LAMB3: variants seen among roughly 807,000 people sequenced by gnomAD.
LAMB3 encodes laminin subunit beta-3.
LAMB3 carries 104 observed loss-of-function variants against 140.3 expected under a neutral mutation model. That is an observed-to-expected ratio of 0.74 (90% CI 0.63 to 0.87). The LOEUF (loss-of-function observed/expected upper bound fraction) is 0.87. Ranked by LOEUF, LAMB3 falls within the 40% of genes least tolerant of loss-of-function variation. LAMB3 has a pLI of 0.00. For synonymous variants in LAMB3, 592 were observed against 602.9 expected (o/e 0.98, Z 0.26); for missense variants, 1,531 against 1,575.2 (o/e 0.97, Z 0.47).
At chr1:209,648,147 GAA>G (rs1324260233) in intron 3 of LAMB3, among the ~76,000 whole-genome samples, 1 of 152,208 alleles carries the variant, frequency 6.6e-6, no homozygotes, top group Non-Finnish European at 1.5e-5. Context: ...AGTAGTGAGG[GAA>G]AGAGAAATGA....
At position 209,616,490 on chromosome 1, in the gene LAMB3, C is replaced by G. The variant is rs780324954; in HGVS notation, c.3363G>C (p.Glu1121Asp). 1 of 1,614,178 alleles carries G rather than the reference C, an allele frequency of 6.2e-7. No homozygotes were observed. ...CCTCACCTTTCATCCTGTCCATCAT[C>G]TCCATGGTCTCCCCAAACAGCTCCT... ...EAEELFGETMEMMDRMKDMEL... is the reference protein window; with the variant it reads ...EAEELFGETMDMMDRMKDMEL... The change falls in exon 22 of 23, where the codon GAG becomes GAC. Residue 1121 changes from glutamate to aspartate, a missense_variant. Physicochemically the swap from Glu to Asp is conservative, Grantham distance 45. Transcript: ENST00000356082.
Position 209,626,948 on chromosome 1 carries a change from A to T in LAMB3, c.1516T>A (p.Phe506Ile), listed in dbSNP as rs145548817. The T allele has an allele frequency of 1.3e-4, 203 of 1,613,524 alleles. No individual in the cohort carries two copies. Among genetic ancestry groups the T allele is most frequent in the Admixed American group, 2.5e-4 (15 of 59,984 alleles). Residue 506 changes from phenylalanine to isoleucine, a missense_variant, in exon 13 of 23, where the codon TTT (phenylalanine) becomes ATT (isoleucine). Coordinates refer to ENST00000356082, the MANE Select transcript of LAMB3 (RefSeq NM_000228.3). ...FTGQCPCREG[F>I]GGLMCSAAAI... ...GCAGCGCTGCACATCAGGCCACCAA[A>T]GCCTTCCCGACAGGGGCACTGCCCT... is the stretch of plus-strand genomic sequence containing the variant.
At chr1:209,627,679 G>A in intron 11 of LAMB3, 100 bp from the exon 12 acceptor site, 9 of 1,114,566 alleles carry the variant, frequency 8.1e-6, no homozygotes, top group Non-Finnish European at 1.2e-5. Context: ...GAAAAGAACT[G>A]GGCAGGGCCC....
intron 18 of LAMB3, among the ~76,000 whole-genome samples, chr1:209,620,126 A>G (rs17014906): frequency 0.027 from 4,045 of 152,194 alleles, 119 homozygotes; most frequent in East Asian, 0.15. Flanking sequence ...CTCAGGGTCA[A>G]TCGGTATGAC....
chr1:209,627,503 G>A lies in LAMB3; in HGVS notation c.1365C>T (p.Pro455=), dbSNP rs2102424293. ...GGTCACATTTGGGACCCACCACGTTGGGCAGACAAAGGCAGCGCCCACTCT... is the reference window on the plus strand; with the variant it reads ...GGTCACATTTGGGACCCACCACGTTAGGCAGACAAAGGCAGCGCCCACTCT... ...DEESGRCLCL[P]NVVGPKCDQC... The change falls in exon 12 of 23, where the codon CCC becomes CCT. Residue 455 remains proline, a synonymous_variant. Coordinates refer to ENST00000356082, the MANE Select transcript of LAMB3 (RefSeq NM_000228.3). 1.9e-6 allele frequency: 3 copies of A among 1,614,068 alleles called. No individual in the cohort carries two copies. Among genetic ancestry groups the A allele is most frequent in the Non-Finnish European group, 2.5e-6 (3 of 1,179,986 alleles).
intron 20 of LAMB3, 33 bp from the exon 21 acceptor site, chr1:209,617,619 G>A (rs568689618): frequency 2.5e-6 from 4 of 1,611,868 alleles, no homozygotes; most frequent in Admixed American, 1.7e-5. Context: ...GGCCTTTGTG[G>A]TGGGTCTCAT....
intron 3 of LAMB3, among the ~76,000 whole-genome samples, chr1:209,645,848 C>G (rs1051998256): frequency 5.9e-5 from 9 of 152,132 alleles, no homozygotes; most frequent in African/African-American, 1.4e-4. Context: ...TCCTGAAAAT[C>G]AAGAAAACAG....
intron 3 of LAMB3, among the ~76,000 whole-genome samples, chr1:209,647,098 G>A (rs2076525018): frequency 6.6e-6 from 1 of 152,262 alleles, no homozygotes. Flanking sequence ...GAGCCCAGAA[G>A]GGCAAAGTTG....
chr1:209,632,930 T>C, intron 7 of LAMB3, 140 bp downstream of exon 7: 14 of 1,035,068 alleles, frequency 1.4e-5, no homozygotes, highest in Non-Finnish European at 1.7e-5. Context: ...AATATCCCTA[T>C]GGGGCAAGCA....
chr1:209,634,447 C>T lies in LAMB3; in HGVS notation c.564G>A (p.Lys188=). 11 of 1,613,938 alleles carry T rather than the reference C, an allele frequency of 6.8e-6. No individual in the cohort carries two copies. Among genetic ancestry groups the T allele is most frequent in the Non-Finnish European group, 8.5e-6 (10 of 1,179,886 alleles). Residue 188 remains lysine (K), a splice_region_variant and synonymous_variant, in exon 6 of 23, where the codon AAG becomes AAA. Transcript: ENST00000356082. ...ACTTTTCAGGATTCCCTCTACCTAC[C>T]TTCCCCCCATTTAGGCGTGCATTAG... ...QRPNARLNGG[K]VQLNLMDLVS...
At chr1:209,636,335 T>C (rs2102442301) in intron 5 of LAMB3, among the ~76,000 whole-genome samples, 1 of 152,290 alleles carries the variant, frequency 6.6e-6, no homozygotes, top group African/African-American at 2.4e-5. Context: ...CCCATAGTTA[T>C]GACAACCAAA....
In LAMB3 at chr1:209,628,174, C is replaced by T. The variant is rs2076351; in HGVS notation, c.1149G>A (p.Pro383=). The part of the protein sequence containing the change: ...QETCISCECD[P]DGAVPGAPCD... ...AGGGAGCCCCTGGCACTGCCCCATC[C>T]GGATCACACTCGCAGGCTGAGAGAC... The change falls in exon 11 of 23, where the codon CCG becomes CCA. Residue 383 remains proline (P), a synonymous_variant. Transcript: ENST00000356082. 35,090 of 1,561,816 alleles carry T rather than the reference C, an allele frequency of 0.022. 2,908 individuals are homozygous for T. In the East Asian group the frequency reaches 0.26, roughly 11 times the overall value.
chr1:209,617,283 G>C, intron 21 of LAMB3, 127 bp downstream of exon 21: 1 of 1,092,896 alleles, frequency 9.2e-7, no homozygotes. Context: ...TGACTCTCAA[G>C]CCTCTTCTGG....
chr1:209,648,482 A>G (rs186861279), intron 3 of LAMB3, among the ~76,000 whole-genome samples: 1 of 152,236 alleles, frequency 6.6e-6, no homozygotes, highest in African/African-American at 2.4e-5. Flanking sequence ...GCAGAAAAAT[A>G]GCTGAGATTT....
chr1:209,642,925 T>C (rs2076482590), intron 3 of LAMB3, among the ~76,000 whole-genome samples: 2 of 152,232 alleles, frequency 1.3e-5, no homozygotes, highest in African/African-American at 4.8e-5. Context: ...GGGGCACCCA[T>C]GCCTTCTTCT....
chr1:209,617,299 T>C, intron 21 of LAMB3, 111 bp downstream of exon 21: 1 of 1,234,624 alleles, frequency 8.1e-7, no homozygotes, highest in Non-Finnish European at 1.2e-6. Flanking sequence ...TCTGGTTCTG[T>C]TATTCTAAGC....
intron 18 of LAMB3, among the ~76,000 whole-genome samples, chr1:209,620,462 C>T (rs2236889): frequency 0.032 from 4,908 of 152,140 alleles, 286 homozygotes; most frequent in East Asian, 0.27. Context: ...AGAGGGGAGA[C>T]GATCCAGAGA....
Position 209,632,582 on chromosome 1 carries a change from C to G in LAMB3, c.822+1G>C. On this transcript the variant is annotated splice_donor_variant, in intron 8 of 22. Coordinates refer to ENST00000356082, the MANE Select transcript of LAMB3 (RefSeq NM_000228.3). LOFTEE classifies it high-confidence loss of function. ...CTCCCCTTCCCACCCTAGGCTGTTACCTGCACAGCGGTGGAGGGGCCTGCA... is the reference window on the plus strand; with the variant it reads ...CTCCCCTTCCCACCCTAGGCTGTTAGCTGCACAGCGGTGGAGGGGCCTGCA... 2 of 1,613,340 alleles carry G rather than the reference C, an allele frequency of 1.2e-6. No homozygotes were observed. Among genetic ancestry groups the G allele is most frequent in the Non-Finnish European group, 1.7e-6 (2 of 1,179,336 alleles).
chr1:209,644,940 T>C (rs2076502952), intron 3 of LAMB3, among the ~76,000 whole-genome samples: 1 of 152,154 alleles, frequency 6.6e-6, no homozygotes, highest in Admixed American at 6.5e-5. Flanking sequence ...CCCAGAGGCT[T>C]CTGTGGGCCT....
Sources: gnomAD v4.1 joint callset for allele counts (sites outside exome capture counted in the v4.1 genomes callset) on GRCh38, gnomAD v4.1.1 for gene constraint, MANE v1.5 for transcripts, NCBI Gene and HGNC (gene_info 2026-07-23, HGNC 2026-07-21) for gene names.